The following CCDC85A variants were observed in gnomAD, a reference collection of about 807,000 sequenced individuals.
The protein encoded by CCDC85A is coiled-coil domain-containing protein 85A.
CCDC85A carries 38 observed loss-of-function variants against 50.2 expected under a neutral mutation model. That is an observed-to-expected ratio of 0.76 (90% CI 0.58 to 0.99). CCDC85A has a LOEUF of 0.99. CCDC85A is among the 50% of genes least tolerant of loss of function. The pLI is 0.00. For synonymous variants in CCDC85A, 366 were observed against 301.4 expected (o/e 1.21, Z -2.22); for missense variants, 820 against 742.0 (o/e 1.11, Z -1.22).
chr2:56,222,555 GAGA>G (rs1668371883), intron 2 of CCDC85A, among the ~76,000 whole-genome samples: 1 of 152,138 alleles, frequency 6.6e-6, no homozygotes, highest in South Asian at 2.1e-4. Flanking sequence ...GACCTAGTCA[GAGA>G]AGGAGATGTA....
chr2:56,215,371 A>G (rs997927186), intron 2 of CCDC85A, among the ~76,000 whole-genome samples: 2 of 151,810 alleles, frequency 1.3e-5, no homozygotes, highest in Admixed American at 6.6e-5. Flanking sequence ...TTCCAGTTTC[A>G]TACTATTTAT....
intron 2 of CCDC85A, among the ~76,000 whole-genome samples, chr2:56,239,411 G>A (rs1181470016): frequency 6.6e-6 from 1 of 152,000 alleles, no homozygotes; most frequent in East Asian, 1.9e-4. Context: ...TTACTCTGTA[G>A]GGTTAATCTG....
intron 2 of CCDC85A, among the ~76,000 whole-genome samples, chr2:56,292,603 A>G (rs970473736): frequency 7.2e-5 from 11 of 152,196 alleles, no homozygotes; most frequent in Admixed American, 3.9e-4. Flanking sequence ...TTAGTGTTGT[A>G]GGCCTCTCGT....
rs1162347884 is a variant in CCDC85A, at chr2:56,193,326, G to A, written c.1126G>A (p.Gly376Arg). The A allele has an allele frequency of 4.3e-6, 7 of 1,612,870 alleles. No homozygotes were observed. The highest frequency in any genetic ancestry group is 1.3e-5 in the African/African-American group (1 of 74,902). ...AGGGAGCCCTGATCACAAACACGGA[G>A]GAGGCAGTGGAGGAAGTGGAGGCAG... Reference protein sequence around the residue: ...YGGSPDHKHGGGSGGSGGSGG... With the variant: ...YGGSPDHKHGRGSGGSGGSGG... The change falls in exon 2 of 6, where the codon GGA becomes AGA. Residue 376 changes from glycine to arginine, a missense_variant. Transcript: ENST00000407595.
chr2:56,329,428 A>G (rs76028094), intron 2 of CCDC85A, among the ~76,000 whole-genome samples: 1,882 of 152,294 alleles, frequency 0.012, 50 homozygotes, highest in African/African-American at 0.042. Flanking sequence ...CATAGTTAGT[A>G]CTTAATAAAT....
chr2:56,265,662 G>C (rs1195437659), intron 2 of CCDC85A, among the ~76,000 whole-genome samples: 1 of 152,204 alleles, frequency 6.6e-6, no homozygotes, highest in East Asian at 1.9e-4. Context: ...TGGTGAGGAT[G>C]TGGAGAAAAG....
chr2:56,254,112 A>G (rs942397762), intron 2 of CCDC85A, among the ~76,000 whole-genome samples: 5 of 152,186 alleles, frequency 3.3e-5, no homozygotes, highest in Non-Finnish European at 5.9e-5. Context: ...ATGTGTTTCA[A>G]TGCATGGTTT....
At chr2:56,284,378 C>A (rs1216872356) in intron 2 of CCDC85A, among the ~76,000 whole-genome samples, 1 of 152,048 alleles carries the variant, frequency 6.6e-6, no homozygotes, top group Non-Finnish European at 1.5e-5. Flanking sequence ...TTCAAATCTT[C>A]TTATTTTTTT....
chr2:56,223,874 C>T (rs1668433181), intron 2 of CCDC85A, among the ~76,000 whole-genome samples: 1 of 152,100 alleles, frequency 6.6e-6, no homozygotes, highest in Non-Finnish European at 1.5e-5. Flanking sequence ...TCCACTTCAA[C>T]TCTCTGATGG....
intron 2 of CCDC85A, among the ~76,000 whole-genome samples, chr2:56,285,335 G>A (rs539386333): frequency 4.6e-5 from 7 of 150,590 alleles, no homozygotes; most frequent in Non-Finnish European, 1.0e-4. Context: ...AACTCCTGAC[G>A]TTAAGTGATC....
intron 2 of CCDC85A, among the ~76,000 whole-genome samples, chr2:56,319,986 G>T (rs990967835): frequency 6.6e-6 from 1 of 152,064 alleles, no homozygotes. Flanking sequence ...TAAGAAACTC[G>T]CTCAAAACCG....
chr2:56,361,365 T>C (rs1426081469), intron 3 of CCDC85A, among the ~76,000 whole-genome samples: 1 of 152,234 alleles, frequency 6.6e-6, no homozygotes, highest in South Asian at 2.1e-4. Context: ...TGAGCATCTC[T>C]TATGTACAGA....
chr2:56,328,243 T>A (rs1673574889), intron 2 of CCDC85A, among the ~76,000 whole-genome samples: 2 of 152,060 alleles, frequency 1.3e-5, no homozygotes, highest in Admixed American at 1.3e-4. Context: ...GATTTAGGAA[T>A]AGAACAGAGG....
intron 2 of CCDC85A, among the ~76,000 whole-genome samples, chr2:56,249,783 T>C (rs1453230659): frequency 3.3e-5 from 5 of 152,208 alleles, no homozygotes; most frequent in Non-Finnish European, 7.3e-5. Context: ...GGTCCTGGCA[T>C]GTAGTTATTC....
chr2:56,263,289 A>T (rs1300831034), intron 2 of CCDC85A, among the ~76,000 whole-genome samples: 5 of 152,224 alleles, frequency 3.3e-5, no homozygotes, highest in Admixed American at 6.5e-5. Flanking sequence ...GATCTTCTAG[A>T]TAGTGTTCAT....
intron 2 of CCDC85A, among the ~76,000 whole-genome samples, chr2:56,296,187 A>G (rs1671939462): frequency 6.6e-6 from 1 of 152,062 alleles, no homozygotes; most frequent in Admixed American, 6.6e-5. Flanking sequence ...TCCCACTTAT[A>G]GAAGCTTCTA....
intron 2 of CCDC85A, among the ~76,000 whole-genome samples, chr2:56,277,231 G>C (rs1364038845): frequency 6.6e-6 from 1 of 152,044 alleles, no homozygotes; most frequent in Non-Finnish European, 1.5e-5. Flanking sequence ...TAATAATTAG[G>C]AAGTGGGAAA....
In CCDC85A at chr2:56,259,400, C is replaced by T. The variant is rs139687763; in HGVS notation, c.1240+65960C>T. Reference sequence around the variant, plus strand: ...TGGCTTCCCCGGCACCATATCCCAGCCTATTGCTCCAGTGCCTCCCTCGCT... The same window carrying T: ...TGGCTTCCCCGGCACCATATCCCAGTCTATTGCTCCAGTGCCTCCCTCGCT... On this transcript the variant is annotated intron_variant, in intron 2 of 5. Coordinates refer to ENST00000407595, the MANE Select transcript of CCDC85A (RefSeq NM_001080433.2). 7.0e-4 allele frequency among the ~76,000 whole-genome samples: 107 copies of T among 152,312 alleles called. 1 individual carries two copies. Among genetic ancestry groups the T allele is most frequent in the African/African-American group, 2.5e-3 (105 of 41,580 alleles).
intron 2 of CCDC85A, among the ~76,000 whole-genome samples, chr2:56,300,044 G>A (rs1672130375): frequency 6.6e-6 from 1 of 152,132 alleles, no homozygotes. Context: ...TGCTAGCAGT[G>A]GCCTGAGAGG....
Sources: gnomAD v4.1 joint callset for allele counts (sites outside exome capture counted in the v4.1 genomes callset) on GRCh38, gnomAD v4.1.1 for gene constraint, MANE v1.5 for transcripts, NCBI Gene and HGNC (gene_info 2026-07-23, HGNC 2026-07-21) for gene names.